SMC3: variants seen among roughly 807,000 people sequenced by gnomAD.
SMC3 encodes the protein structural maintenance of chromosomes protein 3.
Under a neutral mutation model 171.8 loss-of-function variants are expected in SMC3, and 20 were observed. That is an observed-to-expected ratio of 0.12 (90% CI 0.08 to 0.17). The LOEUF is 0.17. SMC3 is among the 10% of genes least tolerant of loss of function. SMC3 has a pLI of 1.00. For missense variants in SMC3, 543 were observed against 1,420.4 expected (o/e 0.38, Z 9.93); for synonymous variants, 464 against 451.1 (o/e 1.03, Z -0.36).
chr10:110,575,510 C>G, intron 4 of SMC3, 107 bp downstream of exon 4: 1 of 847,296 alleles, frequency 1.2e-6, no homozygotes, highest in Non-Finnish European at 1.9e-6. Context: ...TCTTTGTGAA[C>G]AAGACACAAT....
At position 110,589,170 on chromosome 10, in the gene SMC3, A is replaced by T. The variant is rs533829662; in HGVS notation, c.1306-435A>T. 3.9e-5 allele frequency among the ~76,000 whole-genome samples: 6 copies of T among 152,240 alleles called. No homozygotes were observed. In the East Asian group the frequency reaches 1.2e-3, roughly 29 times the overall value. On this transcript the variant is annotated intron_variant, in intron 13 of 28. Transcript: ENST00000361804. Reference sequence around the variant, plus strand: ...TTTGGGAGGCCGAGACGGGCGGATCATGAGGTCAGGAGATCGAGACCATCC... The same window carrying T: ...TTTGGGAGGCCGAGACGGGCGGATCTTGAGGTCAGGAGATCGAGACCATCC...
At chr10:110,569,067 A>G in intron 2 of SMC3, 54 bp downstream of exon 2, 2 of 1,130,376 alleles carry the variant, frequency 1.8e-6, no homozygotes, top group South Asian at 1.2e-5. Flanking sequence ...GATAATGTAA[A>G]TTCTGTCCAT....
intron 10 of SMC3, 78 bp downstream of exon 10, chr10:110,582,720 G>A: frequency 9.4e-7 from 1 of 1,067,820 alleles, no homozygotes; most frequent in Non-Finnish European, 1.4e-6. Context: ...CCAGGCTGGA[G>A]TACAGTGGTG....
intron 26 of SMC3, 50 bp from the exon 27 acceptor site, chr10:110,602,772 ATGG>A (rs1484974490): frequency 5.4e-5 from 85 of 1,583,176 alleles, no homozygotes; most frequent in Non-Finnish European, 7.0e-5. Flanking sequence ...CTTTTGAAAG[ATGG>A]TGGTGATTCT....
chr10:110,588,913 A>G (rs760058647), intron 13 of SMC3, among the ~76,000 whole-genome samples: 14 of 152,136 alleles, frequency 9.2e-5, no homozygotes, highest in Non-Finnish European at 1.9e-4. Flanking sequence ...GCAGTATGAA[A>G]GTATATAATG....
At chr10:110,600,288 TGAA>T (rs1419813852) in intron 21 of SMC3, 148 bp from the exon 22 acceptor site, 5 of 597,270 alleles carry the variant, frequency 8.4e-6, no homozygotes, top group African/African-American at 1.9e-5. Flanking sequence ...AAGAGAAAAA[TGAA>T]GAAAGTATAG....
chr10:110,589,623 A>G lies in SMC3; in HGVS notation c.1324A>G (p.Asn442Asp), dbSNP rs747126139. The G allele has an allele frequency of 8.7e-6, 14 of 1,605,634 alleles. No homozygotes were observed. Among genetic ancestry groups the G allele is most frequent in the Non-Finnish European group, 1.2e-5 (14 of 1,172,866 alleles). Residue 442 changes from asparagine (N) to aspartate (D), a missense_variant, in exon 14 of 29, where the codon AAT (asparagine) becomes GAT (aspartate). By Grantham distance (23) the Asn-to-Asp change is conservative. This residue lies in a region of SMC3 where 218 missense variants were observed against 509.6 expected (regional missense o/e 0.43). Transcript: ENST00000361804. ...EQYNKLDQDL[N>D]EVKARVEELD... Reference sequence around the variant, plus strand: ...TCCATAGAAACTGGACCAGGATCTTAATGAAGTCAAAGCTCGAGTAGAAGA... The same window carrying G: ...TCCATAGAAACTGGACCAGGATCTTGATGAAGTCAAAGCTCGAGTAGAAGA...
chr10:110,587,524 A>G (rs1427669987), intron 13 of SMC3, among the ~76,000 whole-genome samples: 1 of 152,060 alleles, frequency 6.6e-6, no homozygotes, highest in African/African-American at 2.4e-5. Context: ...TCTCTACTAA[A>G]AAATATAAAA....
chr10:110,569,598 G>C (rs1860839131), intron 2 of SMC3, among the ~76,000 whole-genome samples: 1 of 152,054 alleles, frequency 6.6e-6, no homozygotes, highest in Non-Finnish European at 1.5e-5. Context: ...AAACCTGCAT[G>C]TTGTGCACAT....
chr10:110,590,711 G>C, intron 16 of SMC3, 139 bp downstream of exon 16: 1 of 762,462 alleles, frequency 1.3e-6, no homozygotes. Flanking sequence ...TAAAGAAGTA[G>C]ATGCTAAGTA....
rs376483676 is a variant in SMC3 at position 110,601,946 on chromosome 10, T to C, written c.2893-20T>C. ...CAGTATATAAATTTATTTATATGAA[T>C]ACATATTTTCTCTTTATAGTTGTTT... On this transcript the variant is annotated intron_variant, in intron 24 of 28. Transcript: ENST00000361804. The C allele has an allele frequency of 3.2e-5, 52 of 1,607,936 alleles. No individual in the cohort carries two copies. Among genetic ancestry groups the C allele is most frequent in the Non-Finnish European group, 4.3e-5 (50 of 1,175,646 alleles).
chr10:110,577,321 A>G (rs2134718560), intron 4 of SMC3, 100 bp from the exon 5 acceptor site: 1 of 876,886 alleles, frequency 1.1e-6, no homozygotes. Flanking sequence ...ATTTTTCTCC[A>G]TTGAATCAGA....
rs1373990160 is a variant in SMC3 at position 110,599,731 on chromosome 10, A to T, written c.2346A>T (p.Gly782=). ...STRESLKAEL[G]TDLLSQLSLE... Reference sequence around the variant, plus strand: ...GAGAGTCATTGAAAGCAGAACTGGGAACTGATTTGCTTTCTCAACTGAGTT... The same window carrying T: ...GAGAGTCATTGAAAGCAGAACTGGGTACTGATTTGCTTTCTCAACTGAGTT... Residue 782 remains glycine (G), a synonymous_variant, in exon 21 of 29, where the codon GGA becomes GGT. Transcript: ENST00000361804. 1 of 1,614,026 alleles carries T rather than the reference A, an allele frequency of 6.2e-7. No individual in the cohort carries two copies. Among genetic ancestry groups the T allele is most frequent in the South Asian group, 1.1e-5 (1 of 91,078 alleles).
chr10:110,577,564 CT>C, intron 5 of SMC3, 72 bp downstream of exon 5: 1 of 1,034,490 alleles, frequency 9.7e-7, no homozygotes, highest in Non-Finnish European at 1.5e-6. Flanking sequence ...TACTTTGAAA[CT>C]TTTTAAGCTT....
intron 28 of SMC3, 96 bp downstream of exon 28, chr10:110,603,386 G>GA: frequency 1.2e-6 from 1 of 804,422 alleles, no homozygotes; most frequent in Non-Finnish European, 2.1e-6. Flanking sequence ...AGAAAACTTA[G>GA]AAAGTCTTTG....
intron 16 of SMC3, 83 bp downstream of exon 16, chr10:110,590,655 A>G (rs186810958): frequency 1.7e-6 from 2 of 1,161,292 alleles, no homozygotes; most frequent in East Asian, 2.4e-5. Context: ...TTTGTACAAC[A>G]TATCTTCCAT....
chr10:110,594,319 TTA>T (rs1861260325), intron 18 of SMC3, among the ~76,000 whole-genome samples: 1 of 151,750 alleles, frequency 6.6e-6, no homozygotes, highest in South Asian at 2.1e-4. Context: ...GGTTATTATT[TTA>T]AAAAATATTA....
At chr10:110,581,325 C>T (rs898746762) in intron 8 of SMC3, among the ~76,000 whole-genome samples, 2 of 149,408 alleles carry the variant, frequency 1.3e-5, no homozygotes, top group Non-Finnish European at 3.0e-5. Context: ...TCAAGTGATT[C>T]TCCTGCCTCA....
chr10:110,572,752 C>T (rs1012186901), intron 2 of SMC3, among the ~76,000 whole-genome samples: 5 of 152,126 alleles, frequency 3.3e-5, no homozygotes, highest in Non-Finnish European at 5.9e-5. Flanking sequence ...TTTATTCTGA[C>T]GGTCACAAAA....
Sources: gnomAD v4.1 joint callset for allele counts (sites outside exome capture counted in the v4.1 genomes callset) on GRCh38, gnomAD v4.1.1 for gene constraint, gnomAD v4.1.1 regional missense constraint, MANE v1.5 for transcripts, NCBI Gene and HGNC (gene_info 2026-07-23, HGNC 2026-07-21) for gene names.